CSDE1: variants seen among roughly 807,000 people sequenced by gnomAD.
CSDE1 encodes the protein cold shock domain-containing protein E1.
A neutral mutation model predicts 89.3 loss-of-function variants in CSDE1; 17 were observed. That is an observed-to-expected ratio of 0.19 (90% CI 0.13 to 0.29). CSDE1 has a LOEUF of 0.29. CSDE1 is among the 10% of genes least tolerant of loss of function. The pLI, the probability that CSDE1 is intolerant of heterozygous loss-of-function variation, is 1.00. For missense variants in CSDE1, 672 were observed against 984.2 expected (o/e 0.68, Z 4.24); for synonymous variants, 322 against 332.8 (o/e 0.97, Z 0.35).
intron 3 of CSDE1, 21 bp downstream of exon 3, chr1:114,739,671 A>G (rs1558002322): frequency 5.7e-6 from 9 of 1,580,916 alleles, no homozygotes; most frequent in African/African-American, 1.3e-5. Flanking sequence ...ACATTTTTAC[A>G]AAGGAGAACT....
At chr1:114,735,898 T>C (rs1316906614) in intron 6 of CSDE1, among the ~76,000 whole-genome samples, 1 of 152,176 alleles carries the variant, frequency 6.6e-6, no homozygotes, top group Non-Finnish European at 1.5e-5. Flanking sequence ...TTAGACTTAA[T>C]AGGTCTAAGT....
In CSDE1 at chr1:114,724,021, T is replaced by C. The variant is rs755410079; in HGVS notation, c.1754-19A>G. On this transcript the variant is annotated intron_variant, in intron 15 of 19. Transcript: ENST00000358528. ...CCATTCACTACAAAACAAAGGCAGG[T>C]ACATCTTTCAATTTTATTTCATCTC... 2 of 1,604,522 alleles carry C rather than the reference T, an allele frequency of 1.2e-6. No homozygotes were observed. Among genetic ancestry groups the C allele is most frequent in the African/African-American group, 1.3e-5 (1 of 74,598 alleles).
chr1:114,728,973 G>C (rs566302203), intron 12 of CSDE1, among the ~76,000 whole-genome samples: 2 of 152,130 alleles, frequency 1.3e-5, no homozygotes, highest in African/African-American at 4.8e-5. Context: ...TAATTTCATA[G>C]TAATCCTTTT....
chr1:114,753,290 TGAAACTCTG>T (rs72290476), intron 1 of CSDE1, among the ~76,000 whole-genome samples: 9,168 of 152,170 alleles, frequency 0.06, 330 homozygotes, highest in South Asian at 0.1. Flanking sequence ...TTTCTGGAAC[TGAAACTCTG>T]GAGTACTGCA....
intron 6 of CSDE1, among the ~76,000 whole-genome samples, chr1:114,735,379 T>C (rs1320258022): frequency 6.6e-6 from 1 of 152,120 alleles, no homozygotes; most frequent in African/African-American, 2.4e-5. Context: ...ACCAGAAAAA[T>C]TCTACCTGTT....
chr1:114,727,422 G>A (rs2101026069), intron 12 of CSDE1, among the ~76,000 whole-genome samples: 1 of 152,252 alleles, frequency 6.6e-6, no homozygotes, highest in East Asian at 1.9e-4. Flanking sequence ...CCAAGGAAGT[G>A]GAAATTCTAT....
chr1:114,718,580 T>C (rs1348616169), intron 19 of CSDE1, 33 bp downstream of exon 19: 2 of 1,602,342 alleles, frequency 1.2e-6, no homozygotes, highest in East Asian at 2.2e-5. Context: ...GGTCTATCAG[T>C]TGGCCTCCCC....
chr1:114,741,502 T>G, intron 2 of CSDE1: 1 of 1,541,088 alleles, frequency 6.5e-7, no homozygotes, highest in South Asian at 1.2e-5. Context: ...CAAGGTAAGC[T>G]GAGATGACTG....
chr1:114,725,467 T>G, intron 14 of CSDE1, 134 bp from the exon 15 acceptor site: 1 of 697,512 alleles, frequency 1.4e-6, no homozygotes, highest in South Asian at 1.7e-5. Flanking sequence ...GTAATTTCTA[T>G]GTATTGACTC....
intron 2 of CSDE1, among the ~76,000 whole-genome samples, chr1:114,744,165 C>T (rs1660885669): frequency 6.6e-6 from 1 of 152,030 alleles, no homozygotes; most frequent in Admixed American, 6.5e-5. Flanking sequence ...TAGGAAGGAC[C>T]CAGTAGGTAA....
At chr1:114,747,782 T>C (rs1243137940) in intron 2 of CSDE1, among the ~76,000 whole-genome samples, 1 of 151,460 alleles carries the variant, frequency 6.6e-6, no homozygotes, top group Non-Finnish European at 1.5e-5. Flanking sequence ...CACCTGAACC[T>C]GGGAGGCAGA....
intron 12 of CSDE1, among the ~76,000 whole-genome samples, chr1:114,728,257 A>G (rs1659906152): frequency 6.6e-6 from 1 of 152,242 alleles, no homozygotes; most frequent in Non-Finnish European, 1.5e-5. Flanking sequence ...AGTTTGGTTA[A>G]GAACAATGTC....
chr1:114,728,952 A>G (rs1659949797), intron 12 of CSDE1, among the ~76,000 whole-genome samples: 1 of 152,168 alleles, frequency 6.6e-6, no homozygotes, highest in African/African-American at 2.4e-5. Flanking sequence ...GGACTACCTT[A>G]ACTATCCAAG....
At chr1:114,730,905 C>T (rs886681225) in intron 10 of CSDE1, among the ~76,000 whole-genome samples, 2 of 152,174 alleles carry the variant, frequency 1.3e-5, no homozygotes, top group Non-Finnish European at 1.5e-5. Context: ...CACATGTGAA[C>T]GTAAACACGT....
chr1:114,752,765 G>T (rs926515365), intron 1 of CSDE1, among the ~76,000 whole-genome samples: 1 of 152,186 alleles, frequency 6.6e-6, no homozygotes, highest in African/African-American at 2.4e-5. Flanking sequence ...AATGAATGGG[G>T]CAGTAACATC....
At chr1:114,733,520 G>C (rs1660218321) in intron 9 of CSDE1, among the ~76,000 whole-genome samples, 1 of 130,360 alleles carries the variant, frequency 7.7e-6, no homozygotes, top group South Asian at 2.6e-4. Flanking sequence ...GCGAGACTCT[G>C]TCACAAAAAA....
Position 114,717,533 on chromosome 1 carries a change from G to A in CSDE1, c.*636C>T, listed in dbSNP as rs1343728064. 6.6e-6 allele frequency: 1 copy of A among 152,478 alleles called. No individual in the cohort carries two copies. The highest frequency in any genetic ancestry group is 1.5e-5 in the Non-Finnish European group (1 of 68,006). The allele number at this position is 152,478 out of a possible 1,614,324, so 9.4% of individuals were successfully genotyped here. ...CCACGAAAAAAAACCTACTCTGGAA[G>A]AAAATTTTCACTGAAATATAACCAA... is the stretch of plus-strand genomic sequence containing the variant. On this transcript the variant is annotated 3_prime_UTR_variant, in exon 20 of 20. Transcript: ENST00000358528.
intron 12 of CSDE1, among the ~76,000 whole-genome samples, 186 bp downstream of exon 12, chr1:114,730,072 C>T (rs890780949): frequency 6.6e-6 from 1 of 152,158 alleles, no homozygotes; most frequent in African/African-American, 2.4e-5. Context: ...AGTAAAGAAT[C>T]ATTCATCCCA....
intron 3 of CSDE1, 91 bp from the exon 4 acceptor site, chr1:114,738,163 G>A (rs780245903): frequency 1.5e-4 from 145 of 963,504 alleles, no homozygotes; most frequent in Non-Finnish European, 2.1e-4. Flanking sequence ...CATTTGAATT[G>A]CCTTAGACCA....
Sources: allele counts gnomAD v4.1 joint callset (sites outside exome capture counted in the v4.1 genomes callset), GRCh38; gene constraint gnomAD v4.1.1; transcripts MANE v1.5; gene names NCBI Gene and HGNC (gene_info 2026-07-23, HGNC 2026-07-21).